CBR4: variants seen among roughly 807,000 people sequenced by gnomAD.
CBR4 encodes 3-oxoacyl-[acyl-carrier-protein] reductase.
Under a neutral mutation model 21.0 loss-of-function variants are expected in CBR4, and 22 were observed. That is an observed-to-expected ratio of 1.05 (90% CI 0.75 to 1.50). The LOEUF (loss-of-function observed/expected upper bound fraction) is 1.50. Among genes scored for constraint, CBR4 ranks in the 40% most tolerant of loss-of-function variants. CBR4 has a pLI of 0.00. For missense variants in CBR4, 302 were observed against 286.3 expected, an observed-to-expected ratio of 1.05 and a Z score of -0.40; for synonymous variants, 100 against 104.4, an observed-to-expected ratio of 0.96 and a Z score of 0.26.
chr4:168,960,270 G>C (rs1306928969), intron 2 of CBR4, among the ~76,000 whole-genome samples: 1 of 152,050 alleles, frequency 6.6e-6, no homozygotes, highest in Non-Finnish European at 1.5e-5. Flanking sequence ...AACCACTTTT[G>C]TTTTTGTTTT....
At chr4:168,936,859 T>C (rs561425065) in intron 2 of CBR4, among the ~76,000 whole-genome samples, 3 of 152,232 alleles carry the variant, frequency 2.0e-5, no homozygotes, top group African/African-American at 4.8e-5. Context: ...TGGAAAACAC[T>C]CTTCAGGATA....
intron 2 of CBR4, among the ~76,000 whole-genome samples, chr4:168,945,803 T>C (rs1050061078): frequency 6.6e-6 from 1 of 151,974 alleles, no homozygotes; most frequent in Admixed American, 6.6e-5. Flanking sequence ...AACAAAAACT[T>C]AGACAATTTT....
chr4:168,911,355 C>T (rs1221845310), intron 2 of CBR4, among the ~76,000 whole-genome samples: 2 of 152,142 alleles, frequency 1.3e-5, no homozygotes, highest in African/African-American at 2.4e-5. Context: ...TTCATTTTAA[C>T]TTACCATGGA....
chr4:168,972,532 C>A (rs1578961475), intron 2 of CBR4, among the ~76,000 whole-genome samples: 1 of 152,002 alleles, frequency 6.6e-6, no homozygotes, highest in African/African-American at 2.4e-5. Context: ...ATTTTATTTT[C>A]TTTGCAGCTG....
intron 2 of CBR4, among the ~76,000 whole-genome samples, chr4:168,908,801 T>C (rs906428216): frequency 6.6e-6 from 1 of 152,020 alleles, no homozygotes; most frequent in Non-Finnish European, 1.5e-5. Context: ...TCCTGAGCAG[T>C]GGAAAATAAT....
chr4:168,990,720 C>G (rs1340844617), intron 4 of CBR4, among the ~76,000 whole-genome samples: 1 of 151,736 alleles, frequency 6.6e-6, no homozygotes. Context: ...CCATACCCAC[C>G]CTATAATTTG....
At chr4:168,902,772 TA>T (rs1352789335) in intron 2 of CBR4, among the ~76,000 whole-genome samples, 1 of 152,212 alleles carries the variant, frequency 6.6e-6, no homozygotes, top group East Asian at 1.9e-4. Context: ...AATTTACTTT[TA>T]TTTTTTACAT....
chr4:168,898,290 A>T (rs879822722), intron 2 of CBR4: 3 of 600,750 alleles, frequency 5.0e-6, no homozygotes, highest in Middle Eastern at 4.4e-4. Flanking sequence ...GGATGATAGG[A>T]CTTGAAGACA....
chr4:168,966,939 C>T (rs536683840), intron 2 of CBR4, among the ~76,000 whole-genome samples: 197 of 151,456 alleles, frequency 1.3e-3, no homozygotes, highest in Non-Finnish European at 1.7e-3. Context: ...AATGGCAACC[C>T]GGGAGGCCGA....
At chr4:168,929,192 C>T (rs1204551701) in intron 2 of CBR4, among the ~76,000 whole-genome samples, 1 of 151,672 alleles carries the variant, frequency 6.6e-6, no homozygotes, top group African/African-American at 2.4e-5. Context: ...TGAGATATTA[C>T]ACACACACAC....
chr4:168,935,197 A>C (rs1763075534), intron 2 of CBR4, among the ~76,000 whole-genome samples: 1 of 152,204 alleles, frequency 6.6e-6, no homozygotes, highest in African/African-American at 2.4e-5. Context: ...TCCCCTAGCC[A>C]AGGGAAGCCG....
intron 2 of CBR4, among the ~76,000 whole-genome samples, chr4:168,960,210 C>A (rs1763806598): frequency 6.6e-6 from 1 of 152,184 alleles, no homozygotes; most frequent in Non-Finnish European, 1.5e-5. Context: ...GTAATTTCTA[C>A]ATGGAATTAT....
intron 2 of CBR4, among the ~76,000 whole-genome samples, chr4:168,981,815 G>C (rs1287548418): frequency 6.6e-6 from 1 of 152,136 alleles, no homozygotes; most frequent in Non-Finnish European, 1.5e-5. Context: ...GCCAAACTAA[G>C]CTTCATAAGT....
chr4:168,915,254 C>T (rs946108596), intron 2 of CBR4, among the ~76,000 whole-genome samples: 1 of 152,134 alleles, frequency 6.6e-6, no homozygotes, highest in African/African-American at 2.4e-5. Flanking sequence ...TATTCAACAT[C>T]TTTTAAGTCT....
At chr4:168,979,690 C>T (rs766438364) in intron 2 of CBR4, among the ~76,000 whole-genome samples, 5 of 152,110 alleles carry the variant, frequency 3.3e-5, no homozygotes, top group East Asian at 1.9e-4. Flanking sequence ...GAGCCCCCAC[C>T]GCCTACTCTT....
intron 4 of CBR4, among the ~76,000 whole-genome samples, chr4:168,998,430 A>C (rs1023512563): frequency 7.2e-5 from 11 of 152,216 alleles, no homozygotes; most frequent in Non-Finnish European, 1.5e-4. Flanking sequence ...TAACAGTCAC[A>C]AAACACCAAA....
intron 2 of CBR4, chr4:168,898,422 G>A (rs1032381242): frequency 5.3e-6 from 5 of 944,566 alleles, no homozygotes; most frequent in Admixed American, 3.5e-5. Context: ...GGCCTTATTG[G>A]GGGGCAGGGA....
chr4:168,923,366 A>G (rs956774186), intron 2 of CBR4, among the ~76,000 whole-genome samples: 2 of 152,226 alleles, frequency 1.3e-5, no homozygotes, highest in South Asian at 2.1e-4. Flanking sequence ...TTGCTGTGAT[A>G]TATCTGTCAC....
chr4:169,010,076 C>T lies in CBR4; in HGVS notation c.14G>A (p.Cys5Tyr), dbSNP rs1731293005. Residue 5 changes from cysteine to tyrosine, a missense_variant, in exon 1 of 5, where the codon TGT becomes TAT. By Grantham distance (194) the Cys-to-Tyr change is radical. Transcript: ENST00000306193. Reference sequence around the variant, plus strand: ...GCCTCGGGAGCCTCCAAAAACAGCACACACTTTGTCCATCTCGGAGTCACA... The same window carrying T: ...GCCTCGGGAGCCTCCAAAAACAGCATACACTTTGTCCATCTCGGAGTCACA... MDKV[C>Y]AVFGGSRGIG... 1.9e-6 allele frequency: 3 copies of T among 1,612,706 alleles called. No homozygotes were observed. The highest frequency in any genetic ancestry group is 2.5e-6 in the Non-Finnish European group (3 of 1,179,636).
Sources: allele counts gnomAD v4.1 joint callset (sites outside exome capture counted in the v4.1 genomes callset), GRCh38; gene constraint gnomAD v4.1.1; transcripts MANE v1.5; gene names NCBI Gene and HGNC (gene_info 2026-07-23, HGNC 2026-07-21).